Variants in ADAMTS2 observed in about 807,000 individuals in gnomAD.
ADAMTS2 encodes ADAM metallopeptidase with thrombospondin type 1 motif 2.
A neutral mutation model predicts 123.0 loss-of-function variants in ADAMTS2; 50 were observed. The observed-to-expected ratio is 0.41, with a 90% CI of 0.32 to 0.51. The LOEUF (loss-of-function observed/expected upper bound fraction) is 0.51, where lower values mean the gene tolerates loss of function less well. Among genes scored for constraint, ADAMTS2 ranks in the 20% least tolerant of loss-of-function variants. The pLI, the probability that ADAMTS2 is intolerant of heterozygous loss-of-function variation, is 0.35. For missense variants in ADAMTS2, 1,494 were observed against 1,705.2 expected (o/e 0.88, Z 2.18); for synonymous variants, 678 against 695.4 (o/e 0.98, Z 0.39).
intron 3 of ADAMTS2, among the ~76,000 whole-genome samples, chr5:179,267,757 G>A (rs1273150654): frequency 6.6e-6 from 1 of 152,240 alleles, no homozygotes; most frequent in African/African-American, 2.4e-5. Context: ...AGGGCCCAGG[G>A]CTGGAGGCAG....
intron 10 of ADAMTS2, 119 bp from the exon 11 acceptor site, chr5:179,140,154 G>A: frequency 6.8e-7 from 1 of 1,465,560 alleles, no homozygotes; most frequent in South Asian, 1.1e-5. Context: ...GGCACAGGGG[G>A]AGCTCACCCT....
chr5:179,143,104 T>C (rs958526258), intron 10 of ADAMTS2, among the ~76,000 whole-genome samples: 2 of 152,068 alleles, frequency 1.3e-5, no homozygotes, highest in Non-Finnish European at 2.9e-5. Context: ...TGTCACCAAA[T>C]GGAGAATCTC....
chr5:179,111,915 T>C lies in ADAMTS2; in HGVS notation c.*1952A>G, dbSNP rs1487956599. 1.3e-5 allele frequency: 2 copies of C among 152,426 alleles called. No homozygotes were observed. The highest frequency in any genetic ancestry group is 1.9e-4 in the East Asian group (1 of 5,180). The allele number at this position is 152,426 out of a possible 1,614,324, so 9.4% of individuals were successfully genotyped here. ...CTTAAGGAAGGGGTACTATGAGAGA[T>C]ACTCAGAAAGGTTTTCTCCAGTTTG... On this transcript the variant is annotated 3_prime_UTR_variant, in exon 22 of 22. Coordinates refer to ENST00000251582, the MANE Select transcript of ADAMTS2 (RefSeq NM_014244.5).
rs367803159 is a variant in ADAMTS2 at position 179,130,126 on chromosome 5, T to C, written c.2291-28A>G. On this transcript the variant is annotated intron_variant, in intron 15 of 21. Transcript: ENST00000251582. The surrounding 1 kb of genome is among the most constrained non-coding windows in gnomAD (Gnocchi z 4.3). ...GAGAATGGCAAGACCAAGTCCCCCG[T>C]TGTGGTCACCCAAGAGCAGGACCCA... is the stretch of plus-strand genomic sequence containing the variant. 1.2e-5 allele frequency: 19 copies of C among 1,613,586 alleles called. No individual in the cohort carries two copies. The highest frequency in any genetic ancestry group is 5.3e-5 in the African/African-American group (4 of 75,064).
chr5:179,184,509 T>TCAAAAAAA (rs1290290563), intron 4 of ADAMTS2, among the ~76,000 whole-genome samples: 2 of 91,416 alleles, frequency 2.2e-5, no homozygotes, highest in African/African-American at 9.2e-5. Flanking sequence ...AGACTCTGTC[T>TCAAAAAAA]AAAAAAAAAA....
rs1001933163 is a variant in ADAMTS2, at chr5:179,155,182, C to T, written c.1133-263G>A. On this transcript the variant is annotated intron_variant, in intron 6 of 21. Coordinates refer to ENST00000251582, the MANE Select transcript of ADAMTS2 (RefSeq NM_014244.5). The surrounding 1 kb of genome is among the most constrained non-coding windows in gnomAD (Gnocchi z 5.1). Reference sequence around the variant, plus strand: ...TGTAACAGCCACACTGCAGCTGGGGCCCTCTGCTTAGTCAGATGTCACCTG... The same window carrying T: ...TGTAACAGCCACACTGCAGCTGGGGTCCTCTGCTTAGTCAGATGTCACCTG... Among the ~76,000 whole-genome samples, 19 of 152,236 alleles carry T rather than the reference C, an allele frequency of 1.2e-4. 1 individual carries two copies. Among genetic ancestry groups the T allele is most frequent in the Admixed American group, 1.2e-3 (19 of 15,284 alleles).
chr5:179,289,962 C>A (rs1756138361), intron 2 of ADAMTS2, among the ~76,000 whole-genome samples: 1 of 152,238 alleles, frequency 6.6e-6, no homozygotes, highest in South Asian at 2.1e-4. Context: ...AGAGACACAA[C>A]AACTAAATGC....
intron 18 of ADAMTS2, among the ~76,000 whole-genome samples, chr5:179,125,386 C>T (rs1762835913): frequency 6.6e-6 from 1 of 152,224 alleles, no homozygotes; most frequent in Non-Finnish European, 1.5e-5. Context: ...TCAGCTGCCC[C>T]AGGTCCTACT....
intron 3 of ADAMTS2, among the ~76,000 whole-genome samples, chr5:179,246,599 A>G (rs1765805936): frequency 1.3e-5 from 2 of 152,204 alleles, no homozygotes; most frequent in South Asian, 4.1e-4. Context: ...AAGGTCTAAG[A>G]AGACTCAAAA....
At chr5:179,324,277 G>A (rs1039914230) in intron 2 of ADAMTS2, among the ~76,000 whole-genome samples, 1 of 151,876 alleles carries the variant, frequency 6.6e-6, no homozygotes, top group African/African-American at 2.4e-5. Context: ...GTTATAAGTT[G>A]GTAAAATACA....
chr5:179,256,466 T>C lies in ADAMTS2; in HGVS notation c.688+16445A>G, dbSNP rs1766053998. On this transcript the variant is annotated intron_variant, in intron 3 of 21. Coordinates refer to ENST00000251582, the MANE Select transcript of ADAMTS2 (RefSeq NM_014244.5). This position sits in a 1 kb window ranked among gnomAD's most constrained non-coding sequence, Gnocchi z 4.1. ...CGGCTCGGTTCACTCCAGCATTTCC[T>C]ACATGGATGAAGATGTGGATGTGTC... is the stretch of plus-strand genomic sequence containing the variant. 6.6e-6 allele frequency among the ~76,000 whole-genome samples: 1 copy of C among 152,154 alleles called. No individual in the cohort carries two copies. The highest frequency in any genetic ancestry group is 2.1e-4 in the South Asian group (1 of 4,818).
chr5:179,148,558 A>C (rs976331914), intron 10 of ADAMTS2, among the ~76,000 whole-genome samples: 1 of 152,138 alleles, frequency 6.6e-6, no homozygotes, highest in African/African-American at 2.4e-5. Flanking sequence ...TGGCCCTGAA[A>C]GTGCGCCCTG....
chr5:179,148,362 C>T (rs191981035), intron 10 of ADAMTS2, among the ~76,000 whole-genome samples: 140 of 152,316 alleles, frequency 9.2e-4, no homozygotes, highest in African/African-American at 3.2e-3. Flanking sequence ...AGTTCTTCTC[C>T]AGGAACAGCC....
intron 3 of ADAMTS2, among the ~76,000 whole-genome samples, chr5:179,213,206 G>C (rs1046518724): frequency 5.9e-5 from 9 of 152,146 alleles, no homozygotes; most frequent in Non-Finnish European, 7.3e-5. Context: ...CTTCCTTCAG[G>C]TGTCTGCTGA....
rs1321137124 is a variant in ADAMTS2, at chr5:179,345,153, CG to C, written c.139+36del. The C allele has an allele frequency of 2.8e-6, 3 of 1,077,738 alleles. No individual in the cohort carries two copies. The highest frequency in any genetic ancestry group is 2.2e-6 in the Non-Finnish European group (2 of 890,406). 66.8% of individuals were successfully genotyped at this position (1,077,738 alleles called of 1,614,324 possible). Reference sequence around the variant, plus strand: ...GGCACGCGGGACAGGGCCAGGCCGGCGGGGGTCCCGGGGAGTAGGGGCCGGG... The same window carrying C: ...GGCACGCGGGACAGGGCCAGGCCGGCGGGGTCCCGGGGAGTAGGGGCCGGG... On this transcript the variant is annotated intron_variant, in intron 1 of 21. Transcript: ENST00000251582. This position sits in a 1 kb window ranked among gnomAD's most constrained non-coding sequence, Gnocchi z 7.5.
rs973986701 is a variant in ADAMTS2 at position 179,303,538 on chromosome 5, G to A, written c.535-30474C>T. On this transcript the variant is annotated intron_variant, in intron 2 of 21. Coordinates refer to ENST00000251582, the MANE Select transcript of ADAMTS2 (RefSeq NM_014244.5). The surrounding 1 kb of genome is among the most constrained non-coding windows in gnomAD (Gnocchi z 4.7). ...AGGTCAAACTCCAGAAGCGGGCACT[G>A]GGTACAGACAGACAGAGCTCGAGAC... 2.6e-5 allele frequency among the ~76,000 whole-genome samples: 4 copies of A among 152,232 alleles called. No homozygotes were observed. The highest frequency in any genetic ancestry group is 7.2e-5 in the African/African-American group (3 of 41,448).
intron 3 of ADAMTS2, among the ~76,000 whole-genome samples, chr5:179,251,632 T>C (rs535458105): frequency 6.6e-6 from 1 of 152,234 alleles, no homozygotes; most frequent in African/African-American, 2.4e-5. Flanking sequence ...GTCTTGGTGT[T>C]TCCTCAAAAA....
chr5:179,282,273 T>C (rs1766934758), intron 2 of ADAMTS2, among the ~76,000 whole-genome samples: 1 of 152,238 alleles, frequency 6.6e-6, no homozygotes, highest in African/African-American at 2.4e-5. Flanking sequence ...TTTTAGCTCT[T>C]ACATGTAGAT....
rs78428809 is a variant in ADAMTS2 at position 179,201,264 on chromosome 5, G to A, written c.891+6249C>T. Among the ~76,000 whole-genome samples the A allele has an allele frequency of 1.5e-3, 233 of 152,294 alleles. 2 individuals are homozygous for A. The highest frequency in any genetic ancestry group is 5.4e-3 in the African/African-American group (224 of 41,556). Reference sequence around the variant, plus strand: ...TCAGCTTAAGGAAATAAGTAAGCACGAGCGATAGATTCAACTCTATGAACG... The same window carrying A: ...TCAGCTTAAGGAAATAAGTAAGCACAAGCGATAGATTCAACTCTATGAACG... On this transcript the variant is annotated intron_variant, in intron 4 of 21. Transcript: ENST00000251582.
Sources: gnomAD v4.1 joint callset for allele counts (sites outside exome capture counted in the v4.1 genomes callset) on GRCh38, gnomAD v4.1.1 for gene constraint, Gnocchi (gnomAD v3.1) non-coding constraint, MANE v1.5 for transcripts, NCBI Gene and HGNC (gene_info 2026-07-23, HGNC 2026-07-21) for gene names.